Variants in ADAM28 observed in about 807,000 individuals in gnomAD.
ADAM28 encodes the protein ADAM metallopeptidase domain 28, also known as disintegrin and metalloproteinase domain-containing protein 28.
ADAM28 carries 105 observed loss-of-function variants against 101.2 expected under a neutral mutation model. The observed-to-expected ratio is 1.04, with a 90% CI of 0.89 to 1.22. The LOEUF (loss-of-function observed/expected upper bound fraction) is 1.22. Ranked by LOEUF, ADAM28 falls within the 50% of genes most tolerant of loss-of-function variation. ADAM28 has a pLI of 0.00. For synonymous variants in ADAM28, 322 were observed against 310.6 expected (o/e 1.04, Z -0.39); for missense variants, 1,028 against 945.4 (o/e 1.09, Z -1.15).
At chr8:24,319,150 C>T (rs1811546355) in intron 6 of ADAM28, among the ~76,000 whole-genome samples, 1 of 151,942 alleles carries the variant, frequency 6.6e-6, no homozygotes, top group Admixed American at 6.6e-5. Flanking sequence ...TACTATTTCA[C>T]CTTGGAGTCT....
rs1203089223 is a variant in ADAM28, at chr8:24,306,369, T to TATATATAA, written c.151-3518_151-3517insAATATATA. On this transcript the variant is annotated intron_variant, in intron 2 of 22. Transcript: ENST00000265769. ...AAATACAAATAAATAAATAAATATA[T>TATATATAA]ATATATATATATATATTTAAAAATA... is the stretch of plus-strand genomic sequence containing the variant. 9.4e-4 allele frequency among the ~76,000 whole-genome samples: 127 copies of TATATATAA among 135,510 alleles called. 4 individuals carry two copies. The highest frequency in any genetic ancestry group is 3.4e-3 in the African/African-American group (119 of 34,586). The allele number at this position is 135,510 out of a possible 152,430, so 88.9% of individuals were successfully genotyped here. A position where few individuals can be genotyped will look rare whatever the true frequency, so the allele number is the denominator to read the frequency against.
intron 8 of ADAM28, among the ~76,000 whole-genome samples, chr8:24,323,354 C>T (rs1812130474): frequency 6.6e-6 from 1 of 151,976 alleles, no homozygotes; most frequent in Non-Finnish European, 1.5e-5. Context: ...ACTATAGCGA[C>T]TACTTAGCTT....
intron 1 of ADAM28, among the ~76,000 whole-genome samples, chr8:24,295,019 T>C (rs1162036392): frequency 2.0e-5 from 3 of 152,196 alleles, no homozygotes; most frequent in African/African-American, 7.2e-5. Flanking sequence ...CTTAGAATGT[T>C]TGCTGGGACC....
chr8:24,330,115 G>A lies in ADAM28; in HGVS notation c.1103G>A (p.Ser368Asn). 6.2e-7 allele frequency: 1 copy of A among 1,612,610 alleles called. No individual in the cohort carries two copies. Among genetic ancestry groups the A allele is most frequent in the Non-Finnish European group, 8.5e-7 (1 of 1,179,000 alleles). ...ATATGTGTGATGGACAAAGCACTGAGGTGAGGCTCTCTGGGCCCTGGGGAC... is the reference window on the plus strand; with the variant it reads ...ATATGTGTGATGGACAAAGCACTGAAGTGAGGCTCTCTGGGCCCTGGGGAC... ...STICVMDKAL[S>N]FYIPTDFSSC... Residue 368 changes from serine (S) to asparagine (N), a missense_variant and splice_region_variant, in exon 11 of 23, where the codon AGC becomes AAC. Physicochemically the swap from Ser to Asn is conservative, Grantham distance 46 (BLOSUM62 1). Coordinates refer to ENST00000265769, the MANE Select transcript of ADAM28 (RefSeq NM_014265.6).
intron 4 of ADAM28, among the ~76,000 whole-genome samples, chr8:24,310,798 C>T (rs1331042990): frequency 1.3e-5 from 2 of 152,174 alleles, no homozygotes; most frequent in East Asian, 3.9e-4. Context: ...TTACATGGGT[C>T]AACACCTCAT....
chr8:24,308,277 A>C (rs1228708991), intron 2 of ADAM28, among the ~76,000 whole-genome samples: 1 of 152,204 alleles, frequency 6.6e-6, no homozygotes, highest in African/African-American at 2.4e-5. Flanking sequence ...GCTCTCCACC[A>C]GGGAACTCTC....
Position 24,326,594 on chromosome 8 carries a change from A to G in ADAM28, c.931A>G (p.Met311Val). Residue 311 changes from methionine (M) to valine (V), a missense_variant, in exon 10 of 23, where the codon ATG becomes GTG. Transcript: ENST00000265769. Reference sequence around the variant, plus strand: ...TGGAACGACTGTGGGTCTTGCATTTATGTCTACAATGTGTTCTCCTTATTC... The same window carrying G: ...TGGAACGACTGTGGGTCTTGCATTTGTGTCTACAATGTGTTCTCCTTATTC... The part of the protein sequence containing the change: ...LAGTTVGLAF[M>V]STMCSPYSVG... The G allele has an allele frequency of 6.2e-7, 1 of 1,612,184 alleles. No homozygotes were observed. The highest frequency in any genetic ancestry group is 2.2e-5 in the East Asian group (1 of 44,770).
chr8:24,305,453 T>C (rs1225897391), intron 2 of ADAM28, among the ~76,000 whole-genome samples: 2 of 134,856 alleles, frequency 1.5e-5, no homozygotes, highest in Non-Finnish European at 3.2e-5. Context: ...AGAGGTTTCT[T>C]TTTTTTTTTT....
chr8:24,343,717 T>A (rs1460778840), intron 18 of ADAM28, 133 bp downstream of exon 18: 15 of 757,212 alleles, frequency 2.0e-5, no homozygotes, highest in South Asian at 3.8e-5. Flanking sequence ...GAATCCACAA[T>A]ATTTATCCCC....
intron 2 of ADAM28, among the ~76,000 whole-genome samples, chr8:24,307,710 C>T (rs1809884620): frequency 6.6e-6 from 1 of 152,144 alleles, no homozygotes; most frequent in African/African-American, 2.4e-5. Flanking sequence ...ATGCTGGGAA[C>T]TTAAATTCTA....
At chr8:24,298,085 T>C (rs1808212211) in intron 1 of ADAM28, among the ~76,000 whole-genome samples, 1 of 152,200 alleles carries the variant, frequency 6.6e-6, no homozygotes, top group South Asian at 2.1e-4. Flanking sequence ...AAAGAGGTTA[T>C]AGGGGATTCT....
rs548721895 is a variant in ADAM28 at position 24,355,999 on chromosome 8, T to A, written c.*1595T>A. Reference sequence around the variant, plus strand: ...AGGCCTGTCGCTTCATGAGGAACTTTATGGTTCATTTACCCTTGCAGTATG... The same window carrying A: ...AGGCCTGTCGCTTCATGAGGAACTTAATGGTTCATTTACCCTTGCAGTATG... On this transcript the variant is annotated 3_prime_UTR_variant, in exon 23 of 23. Coordinates refer to ENST00000265769, the MANE Select transcript of ADAM28 (RefSeq NM_014265.6). 1.3e-5 allele frequency: 2 copies of A among 152,182 alleles called. No homozygotes were observed. Among genetic ancestry groups the A allele is most frequent in the Non-Finnish European group, 2.9e-5 (2 of 68,026 alleles). The allele number at this position is 152,182 out of a possible 1,614,324, so 9.4% of individuals were successfully genotyped here.
At chr8:24,337,815 T>C (rs1814278483) in intron 14 of ADAM28, among the ~76,000 whole-genome samples, 1 of 152,220 alleles carries the variant, frequency 6.6e-6, no homozygotes, top group South Asian at 2.1e-4. Context: ...CACAAATCAA[T>C]TCTAATTCCA....
chr8:24,349,318 G>T (rs1815783685), intron 18 of ADAM28, among the ~76,000 whole-genome samples: 1 of 152,110 alleles, frequency 6.6e-6, no homozygotes, highest in African/African-American at 2.4e-5. Flanking sequence ...CACCATGGAG[G>T]CCCAGGAATA....
chr8:24,341,887 C>A, intron 16 of ADAM28, 130 bp downstream of exon 16: 4 of 1,088,476 alleles, frequency 3.7e-6, no homozygotes, highest in Non-Finnish European at 5.3e-6. Context: ...TTAATAGAAC[C>A]CACAGAGTTT....
chr8:24,342,941 A>C, intron 16 of ADAM28, 160 bp from the exon 17 acceptor site: 1 of 1,352,092 alleles, frequency 7.4e-7, no homozygotes. Context: ...AACTAAGAGG[A>C]TAATGTAAGC....
At chr8:24,325,891 A>AAAAAAAAACAAAAAAACAAAC (rs1563297054) in intron 9 of ADAM28, among the ~76,000 whole-genome samples, 1 of 144,212 alleles carries the variant, frequency 6.9e-6, no homozygotes, top group African/African-American at 2.5e-5. Flanking sequence ...AAAAAAAAAA[A>AAAAAAAAACAAAAAAACAAAC]AAAAAAAAAC....
intron 18 of ADAM28, 45 bp from the exon 19 acceptor site, chr8:24,349,804 AGTGTGTTGTGCAGAT>A: frequency 7.8e-7 from 1 of 1,287,372 alleles, no homozygotes; most frequent in South Asian, 1.2e-5. Context: ...AACAAGGACT[AGTGTGTTGTGCAGAT>A]GTGTGTTTCT....
In ADAM28 at chr8:24,354,763, A is replaced by G. The variant is rs1281940678; in HGVS notation, c.*359A>G. On this transcript the variant is annotated 3_prime_UTR_variant, in exon 23 of 23. Coordinates refer to ENST00000265769, the MANE Select transcript of ADAM28 (RefSeq NM_014265.6). ...GAGGAATAAGAAAAATTGTACATCC[A>G]TTAAATGTACAATTGATTGCAACAT... 5.8e-6 allele frequency: 1 copy of G among 172,800 alleles called. No homozygotes were observed. The highest frequency in any genetic ancestry group is 1.2e-5 in the Non-Finnish European group (1 of 82,120). The allele number at this position is 172,800 out of a possible 1,614,324, so 10.7% of individuals were successfully genotyped here. A position where few individuals can be genotyped will look rare whatever the true frequency, so the allele number is the denominator to read the frequency against.
Sources: allele counts gnomAD v4.1 joint callset (sites outside exome capture counted in the v4.1 genomes callset), GRCh38; gene constraint gnomAD v4.1.1; transcripts MANE v1.5; gene names NCBI Gene and HGNC (gene_info 2026-07-23, HGNC 2026-07-21).